The following IFT140 variants were observed in gnomAD, a reference collection of about 807,000 sequenced individuals.
The protein encoded by IFT140 is intraflagellar transport protein 140 homolog.
Under a neutral mutation model 164.6 loss-of-function variants are expected in IFT140, and 133 were observed. That is an observed-to-expected ratio of 0.81 (90% confidence interval 0.70 to 0.93). IFT140 has a LOEUF of 0.93. IFT140 is among the 40% of genes least tolerant of loss of function. IFT140 has a pLI of 0.00. For synonymous variants in IFT140, 860 were observed against 817.3 expected (o/e 1.05, Z -0.89); for missense variants, 2,045 against 1,972.3 (o/e 1.04, Z -0.70).
intron 4 of IFT140, among the ~76,000 whole-genome samples, chr16:1,600,673 AC>A (rs1053238329): frequency 2.6e-5 from 4 of 152,196 alleles, no homozygotes; most frequent in Non-Finnish European, 5.9e-5. Context: ...TCACCAGGAT[AC>A]GCTGTAAAAT....
intron 13 of IFT140, chr16:1,576,660 CTATG>C (rs1174106839): frequency 6.6e-6 from 1 of 150,406 alleles, no homozygotes; most frequent in Non-Finnish European, 1.5e-5. Context: ...CTCAGACAAA[CTATG>C]TAGCCTAGAA....
At chr16:1,528,143 C>T (rs927636083) in intron 19 of IFT140, among the ~76,000 whole-genome samples, 1 of 152,134 alleles carries the variant, frequency 6.6e-6, no homozygotes, top group East Asian at 1.9e-4. Context: ...GGCTGGCCTG[C>T]GGCTTCAGCC....
chr16:1,546,267 C>T (rs1326635369), intron 19 of IFT140, among the ~76,000 whole-genome samples: 3 of 152,226 alleles, frequency 2.0e-5, no homozygotes, highest in Admixed American at 6.5e-5. Flanking sequence ...GCGACTTCTG[C>T]AGGCAGCCTA....
intron 26 of IFT140, among the ~76,000 whole-genome samples, chr16:1,523,036 C>T (rs1486693181): frequency 1.3e-5 from 2 of 151,638 alleles, no homozygotes; most frequent in African/African-American, 2.4e-5. Context: ...GCCTGGGCAA[C>T]ACAGCAAGAC....
In IFT140 at chr16:1,520,138, C is replaced by T. The variant is rs776345577; in HGVS notation, c.3866G>A (p.Cys1289Tyr). Residue 1289 changes from cysteine (C) to tyrosine (Y), a missense_variant, in exon 28 of 31, where the codon TGT becomes TAT. By Grantham distance (194) the Cys-to-Tyr change is radical. Transcript: ENST00000426508. The stretch of plus-strand genomic sequence containing the variant: ...GCCAGGGAGGGCCTGCACCTGGGCA[C>T]AAGCGTCATAAAAGCCAGCCAGGAG... ...LDLLAGFYDA[C>Y]AQVEIDEYQN... The T allele has an allele frequency of 1.2e-6, 2 of 1,614,084 alleles. No individual in the cohort carries two copies. The highest frequency in any genetic ancestry group is 2.7e-5 in the African/African-American group (2 of 75,062).
At chr16:1,581,799 T>C (rs1169894583) in intron 12 of IFT140, among the ~76,000 whole-genome samples, 2 of 11,000 alleles carry the variant, frequency 1.8e-4, no homozygotes, top group South Asian at 0.015. Context: ...GGGAGGGGAG[T>C]GGAGGGGATG....
intron 19 of IFT140, among the ~76,000 whole-genome samples, chr16:1,543,718 GA>G (rs2031878758): frequency 6.6e-6 from 1 of 152,224 alleles, no homozygotes; most frequent in Non-Finnish European, 1.5e-5. Flanking sequence ...TGACTGCAGG[GA>G]AAACATGAGA....
intron 19 of IFT140, among the ~76,000 whole-genome samples, chr16:1,536,017 G>A (rs770653055): frequency 6.6e-6 from 1 of 152,234 alleles, no homozygotes; most frequent in African/African-American, 2.4e-5. Flanking sequence ...CGGGGGCAGC[G>A]GCTTTAGGCC....
In IFT140 at chr16:1,610,755, G is replaced by T. The variant is rs573536139; in HGVS notation, c.-123C>A. ...CGAAGGTGAGCGAGGCGGCCCCGAG[G>T]ACTCCCGAAGCGCCCCGAGCGGCCG... On this transcript the variant is annotated 5_prime_UTR_variant, in exon 2 of 31. Coordinates refer to ENST00000426508, the MANE Select transcript of IFT140 (RefSeq NM_014714.4). 1 of 153,608 alleles carries T rather than the reference G, an allele frequency of 6.5e-6. No homozygotes were observed. The highest frequency in any genetic ancestry group is 1.9e-4 in the East Asian group (1 of 5,182). 9.5% of individuals were successfully genotyped at this position (153,608 alleles called of 1,614,324 possible).
At position 1,526,762 on chromosome 16, in the gene IFT140, C is replaced by G; in HGVS notation, c.2434G>C (p.Val812Leu). Reference sequence around the variant, plus strand: ...GCCACGTCCAGCCGCTGGGTCTTCACGCACATGCGCGCCATGTTCTCCCAG... The same window carrying G: ...GCCACGTCCAGCCGCTGGGTCTTCAGGCACATGCGCGCCATGTTCTCCCAG... ...AVWENMARMC[V>L]KTQRLDVAKV... The change falls in exon 20 of 31, where the codon GTG becomes CTG. Residue 812 changes from valine (V) to leucine (L), a missense_variant. By Grantham distance (32) the Val-to-Leu change is conservative (BLOSUM62 1). Transcript: ENST00000426508. The G allele has an allele frequency of 6.2e-7, 1 of 1,610,420 alleles. No homozygotes were observed. Among genetic ancestry groups the G allele is most frequent in the Non-Finnish European group, 8.5e-7 (1 of 1,179,152 alleles).
intron 19 of IFT140, chr16:1,534,105 C>T (rs750793488): frequency 6.6e-5 from 51 of 772,000 alleles, no homozygotes; most frequent in African/African-American, 2.0e-4. Context: ...AGGATAAGGC[C>T]GGGCCGAGAG....
At chr16:1,603,770 C>G (rs530091593) in intron 3 of IFT140, among the ~76,000 whole-genome samples, 3 of 152,220 alleles carry the variant, frequency 2.0e-5, no homozygotes, top group Admixed American at 6.5e-5. Flanking sequence ...CGTGAGCCAC[C>G]GTGCCCGGCC....
At chr16:1,539,957 C>T (rs771468491) in intron 19 of IFT140, among the ~76,000 whole-genome samples, 4 of 152,190 alleles carry the variant, frequency 2.6e-5, no homozygotes, top group Non-Finnish European at 4.4e-5. Context: ...CAGGCCGGAG[C>T]GGGCACAGTG....
At chr16:1,526,262 G>A in intron 20 of IFT140, 185 bp from the exon 21 acceptor site, 1 of 632,592 alleles carries the variant, frequency 1.6e-6, no homozygotes, top group Non-Finnish European at 2.7e-6. Context: ...CGGCTGGAGA[G>A]TGAGATGCAC....
intron 13 of IFT140, among the ~76,000 whole-genome samples, chr16:1,573,703 G>C (rs957821290): frequency 6.6e-6 from 1 of 152,060 alleles, no homozygotes; most frequent in Non-Finnish European, 1.5e-5. Flanking sequence ...GAGCCACAGT[G>C]CCCCTCCACT....
chr16:1,577,884 T>A (rs1192935484), intron 13 of IFT140: 1 of 151,890 alleles, frequency 6.6e-6, no homozygotes, highest in Non-Finnish European at 1.5e-5. Context: ...GTACCTCCCT[T>A]TATGTCCACA....
At chr16:1,535,811 G>A (rs1567342131) in intron 19 of IFT140, among the ~76,000 whole-genome samples, 1 of 152,210 alleles carries the variant, frequency 6.6e-6, no homozygotes, top group Non-Finnish European at 1.5e-5. Context: ...TCACCAGCAG[G>A]GACCAACAGC....
chr16:1,518,080 C>G (rs2040414481), intron 30 of IFT140, 136 bp downstream of exon 30: 2 of 804,892 alleles, frequency 2.5e-6, no homozygotes, highest in Non-Finnish European at 3.8e-6. Context: ...TCAAGTCATT[C>G]TCCTGCCTCA....
chr16:1,605,560 C>T (rs1041517387), intron 3 of IFT140, among the ~76,000 whole-genome samples: 1 of 152,090 alleles, frequency 6.6e-6, no homozygotes, highest in African/African-American at 2.4e-5. Context: ...TGCCCGCCAC[C>T]ACGCCCGGCT....
Sources: gnomAD v4.1 joint callset for allele counts (sites outside exome capture counted in the v4.1 genomes callset) on GRCh38, gnomAD v4.1.1 for gene constraint, MANE v1.5 for transcripts, NCBI Gene and HGNC (gene_info 2026-07-23, HGNC 2026-07-21) for gene names.